The following ZC2HC1B variants were observed in gnomAD, a reference collection of about 807,000 sequenced individuals.
ZC2HC1B encodes the protein zinc finger C2HC-type containing 1B, also known as zinc finger C2HC domain-containing protein 1B.
In ZC2HC1B, 36 loss-of-function variants were observed where a neutral mutation model predicts 31.0. The ratio of observed to expected loss-of-function variants is 1.16; its 90% CI spans 0.89 to 1.54. The LOEUF (loss-of-function observed/expected upper bound fraction) is 1.54. Ranked by LOEUF, ZC2HC1B falls within the 40% of genes most tolerant of loss-of-function variation. The pLI is 0.00. For missense variants in ZC2HC1B, 260 were observed against 268.6 expected (o/e 0.97, Z 0.22); for synonymous variants, 73 against 88.0 (o/e 0.83, Z 0.95).
In ZC2HC1B at chr6:143,905,833, A is replaced by T. The variant is rs746162159; in HGVS notation, c.598+2681A>T. On this transcript the variant is annotated intron_variant, in intron 6 of 7. Transcript: ENST00000237275. The surrounding 1 kb of genome is among the most constrained non-coding windows in gnomAD (Gnocchi z 4.2). ...GATGATGATGTAATTTTTGTCCTTT[A>T]TTCTGTAAATGTAGTGTACATTGAT... Among the ~76,000 whole-genome samples the T allele has an allele frequency of 4.6e-5, 7 of 152,110 alleles. No individual in the cohort carries two copies. The highest frequency in any genetic ancestry group is 7.4e-5 in the Non-Finnish European group (5 of 68,002).
chr6:143,894,265 C>T (rs1777637504), intron 4 of ZC2HC1B, among the ~76,000 whole-genome samples: 1 of 152,044 alleles, frequency 6.6e-6, no homozygotes. Flanking sequence ...AATTATAGGA[C>T]AGGGAAATCT....
At chr6:143,898,030 A>G (rs886751825) in intron 4 of ZC2HC1B, among the ~76,000 whole-genome samples, 6 of 152,244 alleles carry the variant, frequency 3.9e-5, no homozygotes, top group Non-Finnish European at 8.8e-5. Flanking sequence ...TCAAGGACAG[A>G]CAATTGAAAT....
intron 6 of ZC2HC1B, among the ~76,000 whole-genome samples, chr6:143,926,953 G>GGCGTCCGCCACC (rs1778058445): frequency 9.3e-6 from 1 of 107,190 alleles, no homozygotes; most frequent in Non-Finnish European, 1.9e-5. Flanking sequence ...TGGGACTACA[G>GGCGTCCGCCACC]GCGCCCGGCT....
rs913804290 is a variant in ZC2HC1B at position 143,884,471 on chromosome 6, G to A, written c.90+106G>A. The A allele has an allele frequency of 9.2e-7, 1 of 1,085,448 alleles. No homozygotes were observed. The highest frequency in any genetic ancestry group is 1.7e-5 in the South Asian group (1 of 57,538). 67.2% of individuals were successfully genotyped at this position (1,085,448 alleles called of 1,614,324 possible). ...GATTAAAGACAGATGTGGAGGGGAA[G>A]CAAGGGAAGAGGAAAAGTACATAAC... On this transcript the variant is annotated intron_variant, in intron 2 of 7. Transcript: ENST00000237275. This position sits in a 1 kb window ranked among gnomAD's most constrained non-coding sequence, Gnocchi z 5.1.
At chr6:143,926,767 A>C (rs1197452062) in intron 6 of ZC2HC1B, among the ~76,000 whole-genome samples, 1 of 138,364 alleles carries the variant, frequency 7.2e-6, no homozygotes, top group Non-Finnish European at 1.5e-5. Context: ...ATCTAATAAT[A>C]TTTGCTATAT....
At chr6:143,892,440 T>C (rs1346881371) in intron 4 of ZC2HC1B, among the ~76,000 whole-genome samples, 1 of 151,876 alleles carries the variant, frequency 6.6e-6, no homozygotes, top group East Asian at 1.9e-4. Context: ...GGACCACAGA[T>C]GTATGCCACT....
intron 4 of ZC2HC1B, among the ~76,000 whole-genome samples, chr6:143,890,603 A>C (rs1243303778): frequency 1.3e-5 from 2 of 152,172 alleles, no homozygotes; most frequent in Non-Finnish European, 2.9e-5. Flanking sequence ...CAGTGTAATA[A>C]GGCAAGAAAT....
chr6:143,871,795 G>A lies in ZC2HC1B; in HGVS notation c.28+7228G>A, dbSNP rs989491385. 5.3e-5 allele frequency among the ~76,000 whole-genome samples: 8 copies of A among 152,066 alleles called. No individual in the cohort carries two copies. The highest frequency in any genetic ancestry group is 2.1e-4 in the South Asian group (1 of 4,830). On this transcript the variant is annotated intron_variant, in intron 1 of 7. Transcript: ENST00000237275. The surrounding 1 kb of genome is among the most constrained non-coding windows in gnomAD (Gnocchi z 4.1). ...TTTCTCACCATAATAATCCTCACCCGACCAATCAGGGAGCCAATGTGGGGG... is the reference window on the plus strand; with the variant it reads ...TTTCTCACCATAATAATCCTCACCCAACCAATCAGGGAGCCAATGTGGGGG...
chr6:143,872,970 G>A lies in ZC2HC1B; in HGVS notation c.28+8403G>A, dbSNP rs1777359646. Among the ~76,000 whole-genome samples the A allele has an allele frequency of 6.6e-6, 1 of 152,088 alleles. No individual in the cohort carries two copies. Among genetic ancestry groups the A allele is most frequent in the South Asian group, 2.1e-4 (1 of 4,812 alleles). On this transcript the variant is annotated intron_variant, in intron 1 of 7. Coordinates refer to ENST00000237275, the MANE Select transcript of ZC2HC1B (RefSeq NM_001013623.3). This position sits in a 1 kb window ranked among gnomAD's most constrained non-coding sequence, Gnocchi z 5.5. The stretch of plus-strand genomic sequence containing the variant: ...CAAAACCAATCATGCCTCCCCAACA[G>A]TCTCCCAAAGTCTTAACTCATTTCA...
At chr6:143,927,296 C>T (rs1282884565) in intron 6 of ZC2HC1B, among the ~76,000 whole-genome samples, 7 of 152,000 alleles carry the variant, frequency 4.6e-5, no homozygotes, top group Non-Finnish European at 1.0e-4. Flanking sequence ...ATCCCTTACC[C>T]GCCTCCCACC....
In ZC2HC1B at chr6:143,905,251, T is replaced by C. The variant is rs527579527; in HGVS notation, c.598+2099T>C. Reference sequence around the variant, plus strand: ...TCCTCTTTAATTTCTTTCAGCAATGTTTTGTAGTTTTCATTGTACAAATCT... The same window carrying C: ...TCCTCTTTAATTTCTTTCAGCAATGCTTTGTAGTTTTCATTGTACAAATCT... On this transcript the variant is annotated intron_variant, in intron 6 of 7. Transcript: ENST00000237275. This position sits in a 1 kb window ranked among gnomAD's most constrained non-coding sequence, Gnocchi z 4.2. Among the ~76,000 whole-genome samples the C allele has an allele frequency of 5.9e-5, 9 of 152,362 alleles. No individual in the cohort carries two copies. The East Asian group carries it at 1.5e-3, about 26-fold the overall frequency.
At position 143,882,334 on chromosome 6, in the gene ZC2HC1B, T is replaced by TTATATATATA. The variant is rs59777839; in HGVS notation, c.29-1944_29-1935dup. Among the ~76,000 whole-genome samples, 206 of 85,510 alleles carry TTATATATATA rather than the reference T, an allele frequency of 2.4e-3. 2 individuals carry two copies. Among genetic ancestry groups the TTATATATATA allele is most frequent in the African/African-American group, 2.9e-3 (45 of 15,688 alleles). 56.1% of individuals were successfully genotyped at this position (85,510 alleles called of 152,430 possible). A position where few individuals can be genotyped will look rare whatever the true frequency, so the allele number is the denominator to read the frequency against. Reference sequence around the variant, plus strand: ...AATATGTATACATATTTTATATTTTTTATATATATATATATATATATATAT... The same window carrying TTATATATATA: ...AATATGTATACATATTTTATATTTTTTATATATATATATATATATATATATATATATATAT... On this transcript the variant is annotated intron_variant, in intron 1 of 7. Coordinates refer to ENST00000237275, the MANE Select transcript of ZC2HC1B (RefSeq NM_001013623.3).
Position 143,898,577 on chromosome 6 carries a change from GAGA to G in ZC2HC1B, c.378_380del (p.Arg127del), listed in dbSNP as rs1243282080. ...ATTATATTCAACGTCCATATTGTAT[GAGA>G]AGGTTTAATGAAAGCGCAGCTGAGC... On this transcript the variant is annotated inframe_deletion, in exon 5 of 8. Transcript: ENST00000237275. The G allele has an allele frequency of 1.2e-5, 18 of 1,551,616 alleles. No homozygotes were observed. In the East Asian group the frequency reaches 2.9e-4, roughly 25 times the overall value.
chr6:143,900,573 CAGG>C (rs1194323148), intron 5 of ZC2HC1B, among the ~76,000 whole-genome samples: 2 of 151,910 alleles, frequency 1.3e-5, no homozygotes, highest in African/African-American at 4.8e-5. Context: ...CCTTGATTAA[CAGG>C]TCCTTGATTA....
chr6:143,886,629 G>T lies in ZC2HC1B; in HGVS notation c.211-54G>T. 1 of 1,388,876 alleles carries T rather than the reference G, an allele frequency of 7.2e-7. No individual in the cohort carries two copies. The highest frequency in any genetic ancestry group is 9.4e-7 in the Non-Finnish European group (1 of 1,065,652). 86.0% of individuals were successfully genotyped at this position (1,388,876 alleles called of 1,614,324 possible). ...TCAAATTCCAGCTTTAAACAAAATT[G>T]TAATGGAGAGGTATATAGTCTAGGG... On this transcript the variant is annotated intron_variant, in intron 3 of 7. Coordinates refer to ENST00000237275, the MANE Select transcript of ZC2HC1B (RefSeq NM_001013623.3). The surrounding 1 kb of genome is among the most constrained non-coding windows in gnomAD (Gnocchi z 4.2).
chr6:143,886,951 A>G lies in ZC2HC1B; in HGVS notation c.349+130A>G, dbSNP rs1254611505. On this transcript the variant is annotated intron_variant, in intron 4 of 7. Coordinates refer to ENST00000237275, the MANE Select transcript of ZC2HC1B (RefSeq NM_001013623.3). The surrounding 1 kb of genome is among the most constrained non-coding windows in gnomAD (Gnocchi z 4.2). ...AATTTTATTAATTATATAAAAGTAA[A>G]CATCCTATTTTTTTCAATTCTGCAT... The G allele has an allele frequency of 7.9e-6, 8 of 1,006,680 alleles. No homozygotes were observed. Among genetic ancestry groups the G allele is most frequent in the Middle Eastern group, 2.7e-4 (1 of 3,694 alleles). 62.4% of individuals were successfully genotyped at this position (1,006,680 alleles called of 1,614,324 possible).
chr6:143,928,165 C>T (rs1778072920), intron 6 of ZC2HC1B, among the ~76,000 whole-genome samples: 1 of 152,148 alleles, frequency 6.6e-6, no homozygotes, highest in Non-Finnish European at 1.5e-5. Context: ...GGTGCATTAG[C>T]TTTGAAATCT....
intron 4 of ZC2HC1B, among the ~76,000 whole-genome samples, chr6:143,890,187 T>C (rs1438296497): frequency 6.6e-6 from 1 of 152,104 alleles, no homozygotes; most frequent in African/African-American, 2.4e-5. Context: ...TAAATGTTTA[T>C]AATAGAAAAG....
In ZC2HC1B at chr6:143,887,139, G is replaced by A. The variant is rs955542232; in HGVS notation, c.349+318G>A. 3.9e-5 allele frequency among the ~76,000 whole-genome samples: 6 copies of A among 151,982 alleles called. No homozygotes were observed. The highest frequency in any genetic ancestry group is 1.2e-4 in the African/African-American group (5 of 41,344). ...ACTCTGCAACAGCCCCATCGTGTCA[G>A]ATACCCACAGCAATTTTTTTTTTCC... On this transcript the variant is annotated intron_variant, in intron 4 of 7. Coordinates refer to ENST00000237275, the MANE Select transcript of ZC2HC1B (RefSeq NM_001013623.3). The surrounding 1 kb of genome is among the most constrained non-coding windows in gnomAD (Gnocchi z 5.1).
Sources: allele counts gnomAD v4.1 joint callset (sites outside exome capture counted in the v4.1 genomes callset), GRCh38; gene constraint gnomAD v4.1.1; non-coding constraint Gnocchi (gnomAD v3.1); transcripts MANE v1.5; gene names NCBI Gene and HGNC (gene_info 2026-07-23, HGNC 2026-07-21).